CNTNAP5: variants seen among roughly 807,000 people sequenced by gnomAD.
The protein encoded by CNTNAP5 is contactin associated protein family member 5.
In CNTNAP5, 72 loss-of-function variants were observed where a neutral mutation model predicts 150.2. That is an observed-to-expected ratio of 0.48 (90% CI 0.40 to 0.58). The LOEUF (loss-of-function observed/expected upper bound fraction) is 0.58, where lower values mean the gene tolerates loss of function less well. CNTNAP5 is among the 20% of genes least tolerant of loss of function. The pLI is 0.00. For synonymous variants in CNTNAP5, 672 were observed against 619.8 expected (o/e 1.08, Z -1.25); for missense variants, 1,636 against 1,626.2 (o/e 1.01, Z -0.10).
At chr2:124,618,608 A>G (rs1490305602) in intron 12 of CNTNAP5, among the ~76,000 whole-genome samples, 1 of 152,102 alleles carries the variant, frequency 6.6e-6, no homozygotes, top group Non-Finnish European at 1.5e-5. Flanking sequence ...CCCTCTGATG[A>G]AACCCAACTA....
chr2:124,800,374 TACAC>T (rs148248412), intron 19 of CNTNAP5, among the ~76,000 whole-genome samples: 14 of 151,388 alleles, frequency 9.2e-5, no homozygotes, highest in Middle Eastern at 3.4e-3. Flanking sequence ...CACACACATA[TACAC>T]ACACACACAC....
At chr2:124,798,020 G>A (rs1681883392) in intron 18 of CNTNAP5, 76 bp from the exon 19 acceptor site, 13 of 1,108,280 alleles carry the variant, frequency 1.2e-5, no homozygotes, top group Middle Eastern at 2.0e-4. Context: ...CATAGGAAAC[G>A]AGAAAGCAGC....
At chr2:124,477,523 G>A (rs1187398744) in intron 7 of CNTNAP5, among the ~76,000 whole-genome samples, 2 of 152,042 alleles carry the variant, frequency 1.3e-5, no homozygotes, top group Admixed American at 6.6e-5. Flanking sequence ...TTACCTCACT[G>A]GCTCTAGAAA....
intron 3 of CNTNAP5, among the ~76,000 whole-genome samples, chr2:124,407,564 C>T (rs1029920049): frequency 6.6e-6 from 1 of 152,204 alleles, no homozygotes; most frequent in East Asian, 1.9e-4. Flanking sequence ...TACTTCAATA[C>T]CCTTCTTCAC....
At chr2:124,198,622 C>T (rs188599853) in intron 1 of CNTNAP5, among the ~76,000 whole-genome samples, 3 of 152,228 alleles carry the variant, frequency 2.0e-5, no homozygotes, top group East Asian at 1.9e-4. Context: ...TTTTTGTCCA[C>T]GTGTACCCAG....
At chr2:124,713,265 CTT>C (rs1266733805) in intron 13 of CNTNAP5, among the ~76,000 whole-genome samples, 31 of 104,132 alleles carry the variant, frequency 3.0e-4, no homozygotes, top group Admixed American at 5.1e-4. Flanking sequence ...TTCTTTCTTT[CTT>C]TCTTTCTTTC....
intron 13 of CNTNAP5, among the ~76,000 whole-genome samples, chr2:124,687,665 C>T (rs553270393): frequency 3.4e-4 from 52 of 151,884 alleles, no homozygotes; most frequent in Non-Finnish European, 5.4e-4. Flanking sequence ...TTGTACGTGG[C>T]AAGTAGAGAG....
intron 3 of CNTNAP5, among the ~76,000 whole-genome samples, chr2:124,268,713 A>G (rs534945138): frequency 6.6e-6 from 1 of 152,262 alleles, no homozygotes; most frequent in Non-Finnish European, 1.5e-5. Flanking sequence ...CTGGGGGCCA[A>G]GCTTACATTT....
At chr2:124,616,086 C>T (rs1411596820) in intron 12 of CNTNAP5, among the ~76,000 whole-genome samples, 2 of 152,082 alleles carry the variant, frequency 1.3e-5, no homozygotes, top group African/African-American at 4.8e-5. Context: ...TAGCATAATT[C>T]TTATGGATCC....
intron 3 of CNTNAP5, among the ~76,000 whole-genome samples, chr2:124,264,148 C>A (rs917203733): frequency 2.0e-5 from 3 of 152,006 alleles, no homozygotes; most frequent in Non-Finnish European, 4.4e-5. Flanking sequence ...ACCAGACTCC[C>A]CTTAAAAACT....
chr2:124,222,240 T>C (rs1686339734), intron 2 of CNTNAP5, among the ~76,000 whole-genome samples: 1 of 152,078 alleles, frequency 6.6e-6, no homozygotes, highest in African/African-American at 2.4e-5. Context: ...TACTATTAAT[T>C]GAAAGTAAGA....
intron 21 of CNTNAP5, among the ~76,000 whole-genome samples, chr2:124,894,822 G>A (rs1160977300): frequency 2.6e-5 from 4 of 151,300 alleles, no homozygotes; most frequent in African/African-American, 4.9e-5. Flanking sequence ...CAAAGTACTG[G>A]GATTATAAGA....
chr2:124,706,943 G>GAAGAAGAAGAAGAAGAAGA, intron 13 of CNTNAP5, among the ~76,000 whole-genome samples: 2 of 75,218 alleles, frequency 2.7e-5, no homozygotes, highest in African/African-American at 1.0e-4. Flanking sequence ...GAAGAAGAAG[G>GAAGAAGAAGAAGAAGAAGA]AGGAGGAGGA....
chr2:124,148,543 AT>A (rs1486502986), intron 1 of CNTNAP5, among the ~76,000 whole-genome samples: 1 of 146,612 alleles, frequency 6.8e-6, no homozygotes, highest in Non-Finnish European at 1.5e-5. Context: ...ATATATACAT[AT>A]TATATATAAT....
chr2:124,240,088 G>A (rs1283380094), intron 2 of CNTNAP5, among the ~76,000 whole-genome samples: 1 of 152,062 alleles, frequency 6.6e-6, no homozygotes, highest in Non-Finnish European at 1.5e-5. Flanking sequence ...AAACTTGCTG[G>A]ACTTCAGTTT....
At chr2:124,520,746 C>T (rs545916098) in intron 8 of CNTNAP5, among the ~76,000 whole-genome samples, 1 of 152,242 alleles carries the variant, frequency 6.6e-6, no homozygotes, top group East Asian at 1.9e-4. Context: ...TCAAGACATT[C>T]TCGGCCTAAA....
At chr2:124,085,514 T>C (rs182774160) in intron 1 of CNTNAP5, among the ~76,000 whole-genome samples, 22 of 152,320 alleles carry the variant, frequency 1.4e-4, no homozygotes, top group African/African-American at 5.0e-4. Context: ...TCCTTTGTTA[T>C]TTTTTAATTT....
At chr2:124,159,557 C>T (rs1420881727) in intron 1 of CNTNAP5, among the ~76,000 whole-genome samples, 2 of 152,176 alleles carry the variant, frequency 1.3e-5, no homozygotes, top group Non-Finnish European at 2.9e-5. Flanking sequence ...TTGTCACTAA[C>T]CAACTGTGTG....
At chr2:124,752,651 GAAT>G (rs1680752853) in intron 14 of CNTNAP5, among the ~76,000 whole-genome samples, 1 of 152,112 alleles carries the variant, frequency 6.6e-6, no homozygotes, top group African/African-American at 2.4e-5. Flanking sequence ...AACATATAAA[GAAT>G]AATAATTTTA....
Sources: allele counts gnomAD v4.1 joint callset (sites outside exome capture counted in the v4.1 genomes callset), GRCh38; gene constraint gnomAD v4.1.1; transcripts MANE v1.5; gene names NCBI Gene and HGNC (gene_info 2026-07-23, HGNC 2026-07-21).